The following COL4A3 variants were observed in gnomAD, a reference collection of about 807,000 sequenced individuals.
COL4A3 encodes the protein collagen alpha-3(IV) chain.
In COL4A3, 135 loss-of-function variants were observed where a neutral mutation model predicts 217.4. The ratio of observed to expected loss-of-function variants is 0.62; its 90% CI spans 0.54 to 0.72. The LOEUF is 0.72. Among genes scored for constraint, COL4A3 ranks in the 30% least tolerant of loss-of-function variants. The pLI is 0.00. For synonymous variants in COL4A3, 690 were observed against 736.3 expected, an observed-to-expected ratio of 0.94 and a Z score of 1.02; for missense variants, 1,868 against 2,119.9, an observed-to-expected ratio of 0.88 and a Z score of 2.33.
chr2:227,192,292 T>A (rs961691002), intron 1 of COL4A3, among the ~76,000 whole-genome samples: 1 of 152,256 alleles, frequency 6.6e-6, no homozygotes, highest in Non-Finnish European at 1.5e-5. Flanking sequence ...CTGGTTGTTG[T>A]CTTTCTCCCC....
intron 1 of COL4A3, among the ~76,000 whole-genome samples, chr2:227,196,797 A>T (rs1362865487): frequency 6.6e-6 from 1 of 152,210 alleles, no homozygotes; most frequent in Admixed American, 6.5e-5. Flanking sequence ...AAACACAGTT[A>T]TCTATTTATG....
chr2:227,210,746 C>T (rs1418325124), intron 1 of COL4A3, among the ~76,000 whole-genome samples: 1 of 152,222 alleles, frequency 6.6e-6, no homozygotes, highest in Non-Finnish European at 1.5e-5. Context: ...TTCTCACAGC[C>T]ACCCCACCAC....
At chr2:227,217,435 A>G (rs142849916) in intron 1 of COL4A3, among the ~76,000 whole-genome samples, 1 of 152,354 alleles carries the variant, frequency 6.6e-6, no homozygotes, top group Non-Finnish European at 1.5e-5. Context: ...AAGCAGCAGT[A>G]TGTGCTTGTT....
rs184730597 is a variant in COL4A3, at chr2:227,240,170, G to A, written c.172G>A (p.Gly58Ser). Residue 58 changes from glycine (G) to serine (S), a missense_variant, in exon 3 of 52, where the codon GGT (glycine) becomes AGT (serine). By Grantham distance (56) the Gly-to-Ser change is moderately conservative (BLOSUM62 0). Transcript: ENST00000396578. The stretch of plus-strand genomic sequence containing the variant: ...GGAGAAGGGCTTTCCTGGACCCCCC[G>A]GTTCTCCTGGCCAGAAAGGATTCAC... ...KGEKGFPGPP[G>S]SPGQKGFTGP... 2.5e-5 allele frequency: 41 copies of A among 1,611,166 alleles called. No individual in the cohort carries two copies. The highest frequency in any genetic ancestry group is 1.0e-4 in the Admixed American group (6 of 59,726).
At chr2:227,283,741 T>C (rs1196258739) in intron 32 of COL4A3, 26 bp from the exon 33 acceptor site, 1 of 1,589,076 alleles carries the variant, frequency 6.3e-7, no homozygotes. Context: ...CAACACGTGC[T>C]GCTTTGTGTT....
At chr2:227,309,404 C>T (rs564320422) in intron 50 of COL4A3, 86 bp downstream of exon 50, 22 of 992,798 alleles carry the variant, frequency 2.2e-5, no homozygotes, top group Non-Finnish European at 2.9e-5. Flanking sequence ...TTCCCAGGGT[C>T]GATGCTGCCT....
chr2:227,220,129 C>T (rs921958640), intron 1 of COL4A3, among the ~76,000 whole-genome samples: 7 of 113,640 alleles, frequency 6.2e-5, no homozygotes, highest in African/African-American at 1.0e-4. Flanking sequence ...TTTAATAAGG[C>T]GGTTTTATGT....
At chr2:227,234,383 G>A (rs10208252) in intron 1 of COL4A3, among the ~76,000 whole-genome samples, 130,871 of 152,240 alleles carry the variant, frequency 0.86, 56,419 homozygotes, top group Admixed American at 0.91. Context: ...TAATTTTAAC[G>A]TGTGTTAAAA....
intron 9 of COL4A3, among the ~76,000 whole-genome samples, chr2:227,249,230 A>ATATATATATATATAT: frequency 3.4e-4 from 5 of 14,694 alleles, no homozygotes; most frequent in African/African-American, 5.3e-4. Context: ...ATATATATAT[A>ATATATATATATATAT]TTTTTTTTTT....
intron 20 of COL4A3, among the ~76,000 whole-genome samples, chr2:227,262,706 A>T (rs996441902): frequency 3.9e-5 from 6 of 152,202 alleles, no homozygotes; most frequent in African/African-American, 1.2e-4. Flanking sequence ...TTATTGGTGC[A>T]TAAAAAATGC....
chr2:227,242,399 C>T (rs886810536), intron 3 of COL4A3, among the ~76,000 whole-genome samples: 2 of 152,190 alleles, frequency 1.3e-5, no homozygotes, highest in South Asian at 2.1e-4. Context: ...GGAACGTGAA[C>T]GTTCACCCAC....
chr2:227,251,093 G>A, intron 9 of COL4A3, 47 bp from the exon 10 acceptor site: 1 of 1,346,570 alleles, frequency 7.4e-7, no homozygotes, highest in Non-Finnish European at 1.1e-6. Flanking sequence ...TTGTTATTAA[G>A]TGAGAAGTAA....
At chr2:227,254,858 T>TA (rs2070051558) in intron 15 of COL4A3, 143 bp downstream of exon 15, 3 of 708,538 alleles carry the variant, frequency 4.2e-6, no homozygotes, top group Non-Finnish European at 7.7e-6. Flanking sequence ...AGGATTTACT[T>TA]ACTCAAGTAT....
intron 25 of COL4A3, among the ~76,000 whole-genome samples, chr2:227,271,459 A>G (rs1319752368): frequency 2.2e-5 from 3 of 138,322 alleles, no homozygotes; most frequent in Non-Finnish European, 4.6e-5. Context: ...ATACCTACCA[A>G]GATTTTTTTT....
intron 22 of COL4A3, 65 bp downstream of exon 22, chr2:227,266,574 T>A: frequency 7.8e-7 from 1 of 1,283,902 alleles, no homozygotes; most frequent in Non-Finnish European, 1.1e-6. Context: ...ATCACTGATT[T>A]TTCCCCCTGA....
intron 17 of COL4A3, among the ~76,000 whole-genome samples, chr2:227,256,986 C>T (rs1036787262): frequency 6.6e-6 from 1 of 152,156 alleles, no homozygotes; most frequent in African/African-American, 2.4e-5. Flanking sequence ...CAGCATGTTA[C>T]TGTACTGAAT....
rs2073836861 is a variant in COL4A3, at chr2:227,314,399, G to A, written c.*2529G>A. 6.6e-6 allele frequency: 1 copy of A among 152,576 alleles called. No homozygotes were observed. The highest frequency in any genetic ancestry group is 2.4e-5 in the African/African-American group (1 of 41,434). The allele number at this position is 152,576 out of a possible 1,614,324, so 9.5% of individuals were successfully genotyped here. A position where few individuals can be genotyped will look rare whatever the true frequency, so the allele number is the denominator to read the frequency against. On this transcript the variant is annotated 3_prime_UTR_variant, in exon 52 of 52. Transcript: ENST00000396578. ...TATGAGTAGCTTATACAATTATGAA[G>A]ATTTAATATTACAGATAAAATGTAA...
chr2:227,289,061 C>T (rs2072518400), intron 34 of COL4A3, 89 bp from the exon 35 acceptor site: 3 of 936,294 alleles, frequency 3.2e-6, no homozygotes, highest in Non-Finnish European at 5.0e-6. Context: ...AGTGATTTTC[C>T]TGCCTCAGCC....
intron 1 of COL4A3, among the ~76,000 whole-genome samples, chr2:227,215,518 G>T (rs898293042): frequency 6.6e-6 from 1 of 152,126 alleles, no homozygotes; most frequent in Non-Finnish European, 1.5e-5. Flanking sequence ...GAGTGTGGTG[G>T]CATGATCTTG....
Sources: allele counts gnomAD v4.1 joint callset (sites outside exome capture counted in the v4.1 genomes callset), GRCh38; gene constraint gnomAD v4.1.1; transcripts MANE v1.5; gene names NCBI Gene and HGNC (gene_info 2026-07-23, HGNC 2026-07-21).